AKT3: variants seen among roughly 807,000 people sequenced by gnomAD.
AKT3 encodes AKT serine/threonine kinase 3.
A neutral mutation model predicts 65.3 loss-of-function variants in AKT3; 15 were observed. That is an observed-to-expected ratio of 0.23 (90% CI 0.15 to 0.35). The LOEUF (loss-of-function observed/expected upper bound fraction) is 0.35, where lower values mean the gene tolerates loss of function less well. AKT3 is among the 10% of genes least tolerant of loss of function. The probability of loss-of-function intolerance (pLI) is 1.00; values close to 1 mark genes in which losing one functional copy is unlikely to be tolerated. For missense variants in AKT3, 243 were observed against 576.5 expected (o/e 0.42, Z 5.92); for synonymous variants, 206 against 183.8 (o/e 1.12, Z -0.98).
chr1:243,576,535 G>C (rs1407326178), intron 8 of AKT3, among the ~76,000 whole-genome samples: 3 of 152,082 alleles, frequency 2.0e-5, no homozygotes, highest in Non-Finnish European at 4.4e-5. Flanking sequence ...TTCAGCAAAG[G>C]CTCAGGATAG....
chr1:243,537,575 A>G (rs1672017756), intron 12 of AKT3, among the ~76,000 whole-genome samples: 1 of 152,132 alleles, frequency 6.6e-6, no homozygotes, highest in African/African-American at 2.4e-5. Flanking sequence ...TTAACACTGT[A>G]TTACTGCAGT....
intron 4 of AKT3, among the ~76,000 whole-genome samples, chr1:243,651,453 G>C (rs1357295783): frequency 6.6e-6 from 1 of 152,106 alleles, no homozygotes; most frequent in African/African-American, 2.4e-5. Context: ...GGTGAGAGGG[G>C]GCATCCTTGT....
chr1:243,533,990 CAAAAACAAAAAG>C (rs1416870015), intron 12 of AKT3, among the ~76,000 whole-genome samples: 1 of 151,710 alleles, frequency 6.6e-6, no homozygotes, highest in African/African-American at 2.4e-5. Flanking sequence ...ACTCCGTTTC[CAAAAACAAAAAG>C]AAAAACAAAA....
intron 2 of AKT3, among the ~76,000 whole-genome samples, chr1:243,709,174 A>G (rs1685992817): frequency 6.6e-6 from 1 of 151,748 alleles, no homozygotes; most frequent in Non-Finnish European, 1.5e-5. Context: ...AAGAATATAA[A>G]AAGTGCTAAT....
intron 1 of AKT3, among the ~76,000 whole-genome samples, chr1:243,847,418 T>C (rs1351149842): frequency 6.6e-6 from 1 of 152,088 alleles, no homozygotes; most frequent in African/African-American, 2.4e-5. Context: ...CTAAAAGATA[T>C]AATAACAAAA....
intron 2 of AKT3, among the ~76,000 whole-genome samples, chr1:243,698,833 T>C (rs1685227440): frequency 6.6e-6 from 1 of 152,042 alleles, no homozygotes; most frequent in Non-Finnish European, 1.5e-5. Flanking sequence ...TTTCTTGTCA[T>C]TTTTCACCTA....
At chr1:243,558,880 C>T (rs776119365) in intron 10 of AKT3, among the ~76,000 whole-genome samples, 8 of 152,020 alleles carry the variant, frequency 5.3e-5, no homozygotes, top group Admixed American at 2.0e-4. Flanking sequence ...TGCCAAAACG[C>T]ACTTAACACT....
At chr1:243,580,843 C>G (rs1441053488) in intron 8 of AKT3, among the ~76,000 whole-genome samples, 1 of 152,132 alleles carries the variant, frequency 6.6e-6, no homozygotes, top group Non-Finnish European at 1.5e-5. Context: ...AGTTGAGTAG[C>G]CTGAGCCACC....
chr1:243,509,660 T>C (rs1197419744), intron 13 of AKT3, among the ~76,000 whole-genome samples: 6 of 152,138 alleles, frequency 3.9e-5, no homozygotes, highest in Non-Finnish European at 7.4e-5. Flanking sequence ...CTTGCTGCGT[T>C]GGGCCTATCA....
At chr1:243,653,061 A>G (rs1225616853) in intron 4 of AKT3, among the ~76,000 whole-genome samples, 3 of 152,104 alleles carry the variant, frequency 2.0e-5, no homozygotes, top group Non-Finnish European at 4.4e-5. Flanking sequence ...TGAATCCAGG[A>G]GCTGGTTTTT....
chr1:243,649,911 T>C (rs891000719), intron 4 of AKT3, among the ~76,000 whole-genome samples: 1 of 152,234 alleles, frequency 6.6e-6, no homozygotes, highest in African/African-American at 2.4e-5. Flanking sequence ...TGATTTATAA[T>C]CCTTTGGGTA....
At chr1:243,641,620 A>G (rs1043469860) in intron 5 of AKT3, among the ~76,000 whole-genome samples, 3 of 152,122 alleles carry the variant, frequency 2.0e-5, no homozygotes, top group Non-Finnish European at 4.4e-5. Flanking sequence ...ATAAAATATT[A>G]CTATATTCCT....
intron 2 of AKT3, among the ~76,000 whole-genome samples, chr1:243,701,149 A>G (rs1185600456): frequency 6.6e-6 from 1 of 152,216 alleles, no homozygotes; most frequent in Non-Finnish European, 1.5e-5. Context: ...GGCAGAAGCT[A>G]GAAGTGTACA....
intron 8 of AKT3, among the ~76,000 whole-genome samples, chr1:243,609,566 G>A (rs1316940947): frequency 6.6e-6 from 1 of 152,142 alleles, no homozygotes; most frequent in East Asian, 1.9e-4. Context: ...ACTGAGGCAT[G>A]AGGACTGCTT....
At chr1:243,756,185 G>A (rs1438682421) in intron 2 of AKT3, among the ~76,000 whole-genome samples, 1 of 152,216 alleles carries the variant, frequency 6.6e-6, no homozygotes, top group Non-Finnish European at 1.5e-5. Flanking sequence ...GTAAGAATAA[G>A]TGAGTATGTC....
intron 3 of AKT3, among the ~76,000 whole-genome samples, chr1:243,668,604 T>C (rs1464941313): frequency 6.6e-6 from 1 of 152,156 alleles, no homozygotes; most frequent in Non-Finnish European, 1.5e-5. Flanking sequence ...AGGACCAACC[T>C]GAATTTAATA....
At chr1:243,795,832 C>T (rs997255410) in intron 2 of AKT3, among the ~76,000 whole-genome samples, 1 of 152,090 alleles carries the variant, frequency 6.6e-6, no homozygotes, top group South Asian at 2.1e-4. Flanking sequence ...CCAGACAGCT[C>T]TTCATTAATT....
intron 8 of AKT3, among the ~76,000 whole-genome samples, chr1:243,594,116 G>A (rs1676432920): frequency 6.6e-6 from 1 of 152,034 alleles, no homozygotes; most frequent in African/African-American, 2.4e-5. Flanking sequence ...TGGAATACAA[G>A]GTTAATATAT....
chr1:243,752,904 C>G (rs1328511343), intron 2 of AKT3, among the ~76,000 whole-genome samples: 3 of 152,150 alleles, frequency 2.0e-5, no homozygotes, highest in Non-Finnish European at 4.4e-5. Flanking sequence ...TCCCTTTTCC[C>G]AGGCACAGAC....
Sources: gnomAD v4.1 joint callset for allele counts (sites outside exome capture counted in the v4.1 genomes callset) on GRCh38, gnomAD v4.1.1 for gene constraint, MANE v1.5 for transcripts, NCBI Gene and HGNC (gene_info 2026-07-23, HGNC 2026-07-21) for gene names.